The following SERPINB6 variants were observed in gnomAD, a reference collection of about 807,000 sequenced individuals.
SERPINB6 encodes the protein serpin family B member 6.
A neutral mutation model predicts 26.1 loss-of-function variants in SERPINB6; 16 were observed. The observed-to-expected ratio is 0.61, with a 90% CI of 0.42 to 0.93. The LOEUF is 0.93. Ranked by LOEUF, SERPINB6 falls within the 40% of genes least tolerant of loss-of-function variation. The probability of loss-of-function intolerance (pLI) is 0.00; values close to 1 mark genes in which losing one functional copy is unlikely to be tolerated. For synonymous variants in SERPINB6, 174 were observed against 176.6 expected (o/e 0.99, Z 0.11); for missense variants, 420 against 478.0 (o/e 0.88, Z 1.13).
intron 1 of SERPINB6, chr6:2,971,135 TGCGCCGCCCCCATCCC>T: frequency 2.9e-6 from 3 of 1,032,176 alleles, no homozygotes; most frequent in Non-Finnish European, 3.5e-6. Flanking sequence ...CGGGAGGCTC[TGCGCCGCCCCCATCCC>T]GCGCCGGCCG....
chr6:2,966,831 T>C (rs926140931), intron 1 of SERPINB6: 1 of 489,388 alleles, frequency 2.0e-6, no homozygotes, highest in Non-Finnish European at 2.7e-6. Flanking sequence ...TCATTTTTAT[T>C]TTTTGTAGAG....
chr6:2,958,008 T>C (rs1335246838), intron 2 of SERPINB6: 1 of 152,278 alleles, frequency 6.6e-6, no homozygotes, highest in Non-Finnish European at 1.5e-5. Context: ...ACGCCTACTG[T>C]GATGGGCTGC....
intron 1 of SERPINB6, among the ~76,000 whole-genome samples, chr6:2,965,367 G>C (rs1052916370): frequency 7.9e-5 from 12 of 152,216 alleles, no homozygotes; most frequent in Admixed American, 2.0e-4. Context: ...CATAGACGGG[G>C]ACAAGTTTCC....
intron 1 of SERPINB6, chr6:2,968,698 T>C: frequency 1.6e-6 from 2 of 1,230,976 alleles, no homozygotes; most frequent in Non-Finnish European, 2.0e-6. Context: ...GTACCTAGAC[T>C]TTCCAAACAT....
intron 1 of SERPINB6, chr6:2,969,818 A>G: frequency 1.0e-6 from 1 of 981,456 alleles, no homozygotes; most frequent in Non-Finnish European, 1.2e-6. Flanking sequence ...ATATCTGAGC[A>G]GCCTAACATA....
rs1486904311 is a variant in SERPINB6, at chr6:2,959,466, C to T, written c.-10-124G>A. On this transcript the variant is annotated intron_variant, in intron 1 of 6. Coordinates refer to ENST00000380539, the MANE Select transcript of SERPINB6 (RefSeq NM_004568.6). ...TGGGCAAGCAGAAACACACACAGAA[C>T]TCTGGCTGTTTCTTTTTAGGACCCT... The T allele has an allele frequency of 2.2e-5, 21 of 933,606 alleles. 1 individual carries two copies. In the Admixed American group the frequency reaches 3.3e-4, roughly 15 times the overall value. The allele number at this position is 933,606 out of a possible 1,614,324, so 57.8% of individuals were successfully genotyped here.
In SERPINB6 at chr6:2,954,323, C is replaced by T. The variant is rs2295767; in HGVS notation, c.430+269G>A. Among the ~76,000 whole-genome samples the T allele has an allele frequency of 0.21, 32,377 of 151,946 alleles. 3,952 individuals carry two copies. Among genetic ancestry groups the T allele is most frequent in the African/African-American group, 0.34 (14,163 of 41,416 alleles). On this transcript the variant is annotated intron_variant, in intron 4 of 6. Transcript: ENST00000380539. ...ACTAACCCCCTCCTCAAAATTAAAA[C>T]GTGGATTGATCCAGAAGAGGTATAC... is the stretch of plus-strand genomic sequence containing the variant.
Position 2,948,289 on chromosome 6 carries a change from G to T in SERPINB6, c.*9C>A. On this transcript the variant is annotated 3_prime_UTR_variant, in exon 7 of 7. Transcript: ENST00000380539. This position sits in a 1 kb window ranked among gnomAD's most constrained non-coding sequence, Gnocchi z 5.0. ...AGGAGAGGGGCTGCACACCAAGACT[G>T]CCCTGTCCTCACGGAGAGGAAAAGC... 2 of 1,613,042 alleles carry T rather than the reference G, an allele frequency of 1.2e-6. No individual in the cohort carries two copies. Among genetic ancestry groups the T allele is most frequent in the Non-Finnish European group, 1.7e-6 (2 of 1,179,926 alleles).
At position 2,953,140 on chromosome 6, in the gene SERPINB6, T is replaced by G. The variant is rs1770009621; in HGVS notation, c.477A>C (p.Thr159=). 6.2e-7 allele frequency: 1 copy of G among 1,614,214 alleles called. No individual in the cohort carries two copies. The highest frequency in any genetic ancestry group is 8.5e-7 in the Non-Finnish European group (1 of 1,180,030). ...LLSPGSVDPL[T]RLVLVNAVYF... ...AGACAGCATTCACCAGAACCAGCCT[T>G]GTCAATGGATCCACTGAGCCCGGAG... is the stretch of plus-strand genomic sequence containing the variant. The change falls in exon 5 of 7, where the codon ACA becomes ACC. Residue 159 remains threonine, a synonymous_variant. Transcript: ENST00000380539.
At chr6:2,966,633 G>A (rs1771673954) in intron 1 of SERPINB6, 1 of 158,592 alleles carries the variant, frequency 6.3e-6, no homozygotes, top group African/African-American at 2.4e-5. Flanking sequence ...AGGTGGAACA[G>A]TTTTATCTTG....
intron 5 of SERPINB6, 144 bp from the exon 6 acceptor site, chr6:2,949,213 T>C: frequency 1.1e-6 from 1 of 901,876 alleles, no homozygotes; most frequent in Non-Finnish European, 1.7e-6. Context: ...GCGCCTGCTC[T>C]GCCATCTTCA....
At chr6:2,955,805 A>G in intron 2 of SERPINB6, 135 bp from the exon 3 acceptor site, 3 of 962,848 alleles carry the variant, frequency 3.1e-6, no homozygotes, top group South Asian at 1.5e-5. Flanking sequence ...GGCTGGGCGC[A>G]GCAGCTCACG....
intron 1 of SERPINB6, chr6:2,961,824 C>T (rs1427734126): frequency 6.1e-6 from 6 of 984,726 alleles, no homozygotes; most frequent in Non-Finnish European, 7.2e-6. Context: ...CCCACATGCT[C>T]CCCCAACCCC....
chr6:2,970,196 T>C (rs1772011593), intron 1 of SERPINB6: 1 of 985,298 alleles, frequency 1.0e-6, no homozygotes, highest in Non-Finnish European at 1.2e-6. Context: ...ATTACATATG[T>C]GGAAAAGAAT....
intron 1 of SERPINB6, chr6:2,971,098 C>A (rs2113377565): frequency 9.2e-7 from 1 of 1,086,966 alleles, no homozygotes; most frequent in Non-Finnish European, 1.1e-6. Flanking sequence ...ACCGAGGCCG[C>A]GGGGCCGACC....
Position 2,967,181 on chromosome 6 carries a change from G to T in SERPINB6, c.-11+4352C>A. ...GCCACCCAGACTCCTCGAGTTGGAG[G>T]GATCTGTTAACCTGCCCAGGGCACA... On this transcript the variant is annotated intron_variant, in intron 1 of 6. Coordinates refer to ENST00000380539, the MANE Select transcript of SERPINB6 (RefSeq NM_004568.6). The surrounding 1 kb of genome is among the most constrained non-coding windows in gnomAD (Gnocchi z 4.3). The T allele has an allele frequency of 1.0e-6, 1 of 985,420 alleles. No homozygotes were observed. Among genetic ancestry groups the T allele is most frequent in the Non-Finnish European group, 1.2e-6 (1 of 829,964 alleles). 61.0% of individuals were successfully genotyped at this position (985,420 alleles called of 1,614,324 possible).
At chr6:2,968,443 C>T (rs1771831568) in intron 1 of SERPINB6, 3 of 969,592 alleles carry the variant, frequency 3.1e-6, no homozygotes, top group Middle Eastern at 5.0e-4. Context: ...TATCCTGAAC[C>T]TAAATAGAGG....
At chr6:2,971,397 C>T (rs1372259319) in intron 1 of SERPINB6, 136 bp downstream of exon 1, 1 of 164,256 alleles carries the variant, frequency 6.1e-6, no homozygotes, top group African/African-American at 2.4e-5. Context: ...CCCCGCGCGC[C>T]GTCGACCCAC....
rs1561674497 is a variant in SERPINB6 at position 2,953,123 on chromosome 6, T to A, written c.494A>T (p.Asn165Ile). The change falls in exon 5 of 7, where the codon AAT becomes ATT. Residue 165 changes from asparagine to isoleucine, a missense_variant. By Grantham distance (149) the Asn-to-Ile change is moderately radical. Transcript: ENST00000380539. ...CCAGTTTCCTCTGAAATAGACAGCA[T>A]TCACCAGAACCAGCCTTGTCAATGG... ...VDPLTRLVLV[N>I]AVYFRGNWDE... is the part of the protein sequence containing the mutation. 2.5e-6 allele frequency: 4 copies of A among 1,614,114 alleles called. No individual in the cohort carries two copies. Among genetic ancestry groups the A allele is most frequent in the Non-Finnish European group, 3.4e-6 (4 of 1,180,046 alleles).
Sources: gnomAD v4.1 joint callset for allele counts (sites outside exome capture counted in the v4.1 genomes callset) on GRCh38, gnomAD v4.1.1 for gene constraint, Gnocchi (gnomAD v3.1) non-coding constraint, MANE v1.5 for transcripts, NCBI Gene and HGNC (gene_info 2026-07-23, HGNC 2026-07-21) for gene names.